Variants in IGFBP7 observed in about 807,000 individuals in gnomAD.
The protein encoded by IGFBP7 is insulin-like growth factor-binding protein 7.
In IGFBP7, 31 loss-of-function variants were observed where a neutral mutation model predicts 29.4. The observed-to-expected ratio is 1.05, with a 90% confidence interval of 0.79 to 1.42. The LOEUF is 1.42. Among genes scored for constraint, IGFBP7 ranks in the 40% most tolerant of loss-of-function variants. The pLI is 0.00. For missense variants in IGFBP7, 393 were observed against 395.5 expected (o/e 0.99, Z 0.05); for synonymous variants, 172 against 174.9 (o/e 0.98, Z 0.13).
chr4:57,042,729 T>C (rs1724261380), intron 1 of IGFBP7, among the ~76,000 whole-genome samples: 1 of 152,226 alleles, frequency 6.6e-6, no homozygotes, highest in African/African-American at 2.4e-5. Context: ...GTCCATAAAA[T>C]AAAGTTCTGT....
intron 1 of IGFBP7, among the ~76,000 whole-genome samples, chr4:57,067,174 A>C (rs1389987434): frequency 6.6e-6 from 1 of 152,204 alleles, no homozygotes; most frequent in Non-Finnish European, 1.5e-5. Flanking sequence ...GCTGTTCTTA[A>C]CATGTTCTTT....
chr4:57,059,554 A>G (rs531078440), intron 1 of IGFBP7, among the ~76,000 whole-genome samples: 2 of 152,288 alleles, frequency 1.3e-5, no homozygotes, highest in African/African-American at 4.8e-5. Flanking sequence ...ATGAGAACTC[A>G]TGAACGCAAA....
chr4:57,090,616 C>A (rs539178449), intron 1 of IGFBP7, among the ~76,000 whole-genome samples: 4 of 152,062 alleles, frequency 2.6e-5, no homozygotes, highest in African/African-American at 9.7e-5. Context: ...GCGGGCAGAT[C>A]ACTTGAAGTC....
intron 1 of IGFBP7, among the ~76,000 whole-genome samples, chr4:57,078,977 C>A (rs1378903935): frequency 6.6e-6 from 1 of 152,200 alleles, no homozygotes; most frequent in African/African-American, 2.4e-5. Context: ...TGGCTCAATT[C>A]AATACCTCCT....
At chr4:57,106,531 A>G (rs957577070) in intron 1 of IGFBP7, among the ~76,000 whole-genome samples, 4 of 152,126 alleles carry the variant, frequency 2.6e-5, no homozygotes, top group Admixed American at 2.6e-4. Context: ...GGTTGGAGAG[A>G]AGAGGTCAAA....
intron 2 of IGFBP7, 78 bp from the exon 3 acceptor site, chr4:57,033,389 T>C: frequency 1.1e-6 from 1 of 890,174 alleles, no homozygotes; most frequent in South Asian, 1.3e-5. Flanking sequence ...TCCCTACAAT[T>C]GCACATAGTG....
intron 1 of IGFBP7, among the ~76,000 whole-genome samples, chr4:57,105,383 A>G (rs1725998590): frequency 6.6e-6 from 1 of 152,256 alleles, no homozygotes; most frequent in Non-Finnish European, 1.5e-5. Flanking sequence ...TGATTCATGC[A>G]TTAGACATGT....
At chr4:57,096,876 TAA>T (rs1725774815) in intron 1 of IGFBP7, among the ~76,000 whole-genome samples, 2 of 152,226 alleles carry the variant, frequency 1.3e-5, no homozygotes, top group African/African-American at 2.4e-5. Flanking sequence ...GAGTTCCTGC[TAA>T]GCTAAGGCTA....
chr4:57,072,674 C>A (rs559739850), intron 1 of IGFBP7: 1 of 372,758 alleles, frequency 2.7e-6, no homozygotes, highest in Non-Finnish European at 5.2e-6. Context: ...GGGTGCTGCC[C>A]GGTACCTTGT....
intron 1 of IGFBP7, among the ~76,000 whole-genome samples, chr4:57,073,593 C>CAA (rs33959236): frequency 1.3e-5 from 2 of 148,266 alleles, no homozygotes; most frequent in Non-Finnish European, 1.5e-5. Context: ...GACCCTGACT[C>CAA]AAAAAAAAAA....
chr4:57,038,165 C>A (rs1243649516), intron 2 of IGFBP7, among the ~76,000 whole-genome samples: 1 of 152,230 alleles, frequency 6.6e-6, no homozygotes, highest in African/African-American at 2.4e-5. Context: ...ATGTCAGTGG[C>A]CGCATCCCTC....
At chr4:57,043,669 G>T (rs1179883234) in intron 1 of IGFBP7, among the ~76,000 whole-genome samples, 4 of 152,150 alleles carry the variant, frequency 2.6e-5, no homozygotes, top group African/African-American at 9.7e-5. Flanking sequence ...TACATTTCAT[G>T]CTTCCTTCCC....
chr4:57,082,095 C>A (rs867980970), intron 1 of IGFBP7, among the ~76,000 whole-genome samples: 1 of 152,016 alleles, frequency 6.6e-6, no homozygotes, highest in African/African-American at 2.4e-5. Flanking sequence ...GGTTTTGGTA[C>A]CATTTCTCCC....
At chr4:57,039,377 G>T (rs150316714) in intron 2 of IGFBP7, among the ~76,000 whole-genome samples, 66 of 152,194 alleles carry the variant, frequency 4.3e-4, no homozygotes, top group African/African-American at 1.5e-3. Context: ...AACAGCAGTG[G>T]TTTTCAGTCC....
chr4:57,088,325 T>C (rs977238709), intron 1 of IGFBP7, among the ~76,000 whole-genome samples: 1 of 152,196 alleles, frequency 6.6e-6, no homozygotes, highest in African/African-American at 2.4e-5. Context: ...AGCATGGTGA[T>C]GTAAACTGCC....
intron 1 of IGFBP7, among the ~76,000 whole-genome samples, chr4:57,041,345 A>G (rs944532973): frequency 1.3e-5 from 2 of 152,088 alleles, no homozygotes; most frequent in African/African-American, 4.8e-5. Flanking sequence ...CAACCGCTCC[A>G]TGGGTAATGA....
chr4:57,105,485 A>C (rs1726000861), intron 1 of IGFBP7, among the ~76,000 whole-genome samples: 1 of 152,222 alleles, frequency 6.6e-6, no homozygotes, highest in African/African-American at 2.4e-5. Flanking sequence ...CCTGGAGCTT[A>C]CTTTGATGTT....
chr4:57,080,862 T>A (rs1251896724), intron 1 of IGFBP7, among the ~76,000 whole-genome samples: 1 of 152,202 alleles, frequency 6.6e-6, no homozygotes, highest in Non-Finnish European at 1.5e-5. Flanking sequence ...GCACCACCAA[T>A]GAAAGTGTGT....
chr4:57,043,231 C>G (rs1724273802), intron 1 of IGFBP7, among the ~76,000 whole-genome samples: 1 of 152,198 alleles, frequency 6.6e-6, no homozygotes, highest in South Asian at 2.1e-4. Flanking sequence ...GTCTGGGATC[C>G]TCATGTGGGG....
Sources: allele counts gnomAD v4.1 joint callset (sites outside exome capture counted in the v4.1 genomes callset), GRCh38; gene constraint gnomAD v4.1.1; transcripts MANE v1.5; gene names NCBI Gene and HGNC (gene_info 2026-07-23, HGNC 2026-07-21).